MARCHF10: variants seen among roughly 807,000 people sequenced by gnomAD.
MARCHF10 encodes the protein probable E3 ubiquitin-protein ligase MARCHF10.
In MARCHF10, 64 loss-of-function variants were observed where a neutral mutation model predicts 76.2. The observed-to-expected ratio is 0.84, with a 90% confidence interval of 0.69 to 1.03. MARCHF10 has a LOEUF of 1.03. Ranked by LOEUF, MARCHF10 falls within the 50% of genes least tolerant of loss-of-function variation. The pLI is 0.00. For missense variants in MARCHF10, 875 were observed against 958.0 expected, an observed-to-expected ratio of 0.91 and a Z score of 1.14; for synonymous variants, 340 against 357.5, an observed-to-expected ratio of 0.95 and a Z score of 0.55.
At chr17:62,717,273 C>T (rs1341146192) in intron 8 of MARCHF10, among the ~76,000 whole-genome samples, 1 of 152,250 alleles carries the variant, frequency 6.6e-6, no homozygotes, top group Non-Finnish European at 1.5e-5. Flanking sequence ...CTCCAGACAG[C>T]AGCCGCCCAT....
chr17:62,777,530 C>A (rs2092573692), intron 3 of MARCHF10, among the ~76,000 whole-genome samples: 1 of 151,840 alleles, frequency 6.6e-6, no homozygotes, highest in East Asian at 1.9e-4. Flanking sequence ...TGAGACCAGG[C>A]AACATGGTGA....
chr17:62,770,139 G>A (rs1013009811), intron 3 of MARCHF10, among the ~76,000 whole-genome samples: 7 of 152,126 alleles, frequency 4.6e-5, no homozygotes, highest in African/African-American at 7.2e-5. Flanking sequence ...TTGTTCCTGC[G>A]TTAATTCCCT....
intron 9 of MARCHF10, among the ~76,000 whole-genome samples, chr17:62,709,907 G>A (rs918694798): frequency 1.6e-4 from 24 of 152,178 alleles, no homozygotes; most frequent in South Asian, 2.1e-4. Context: ...GTTACTGCTC[G>A]GTGGTCTAAG....
At chr17:62,735,739 C>T in intron 6 of MARCHF10, 192 bp downstream of exon 6, 1 of 582,728 alleles carries the variant, frequency 1.7e-6, no homozygotes, top group Non-Finnish European at 2.9e-6. Flanking sequence ...TCAGGAACAC[C>T]AGACTTTTCT....
At chr17:62,780,090 C>T (rs541049728) in intron 3 of MARCHF10, among the ~76,000 whole-genome samples, 16 of 148,982 alleles carry the variant, frequency 1.1e-4, no homozygotes, top group African/African-American at 3.6e-4. Context: ...GAGCGAGACT[C>T]GGTCTAAAAA....
intron 7 of MARCHF10, 22 bp from the exon 8 acceptor site, chr17:62,722,619 T>C: frequency 1.9e-6 from 3 of 1,588,100 alleles, no homozygotes; most frequent in Non-Finnish European, 2.6e-6. Context: ...TAAAGAATTA[T>C]ATGTACATAT....
chr17:62,799,281 C>T (rs2093035500), intron 2 of MARCHF10, among the ~76,000 whole-genome samples: 1 of 152,190 alleles, frequency 6.6e-6, no homozygotes, highest in South Asian at 2.1e-4. Context: ...CGGGCCAAGT[C>T]ACCAGAATCT....
intron 7 of MARCHF10, among the ~76,000 whole-genome samples, chr17:62,723,632 G>A (rs929366073): frequency 7.2e-6 from 1 of 139,758 alleles, no homozygotes; most frequent in African/African-American, 2.8e-5. Flanking sequence ...TCTTCCGATC[G>A]AATCCTACTG....
In MARCHF10 at chr17:62,736,005, G is replaced by A; in HGVS notation, c.1863C>T (p.Ala621=). Residue 621 remains alanine (A), a synonymous_variant, in exon 6 of 11, where the codon GCC becomes GCT. Transcript: ENST00000311269. ...TTTCCTTTTCATCTGTGAAACCAGA[G>A]GCTGCCATCCTGCTCCCATTATCAT... ...NQNDNGSRMA[A]SGFTDEKETS... 2 of 1,614,008 alleles carry A rather than the reference G, an allele frequency of 1.2e-6. No homozygotes were observed. The highest frequency in any genetic ancestry group is 1.7e-6 in the Non-Finnish European group (2 of 1,179,992).
chr17:62,753,423 G>T (rs2091954005), intron 4 of MARCHF10, among the ~76,000 whole-genome samples: 1 of 152,072 alleles, frequency 6.6e-6, no homozygotes, highest in Admixed American at 6.5e-5. Flanking sequence ...CACAACTTCT[G>T]AAACTCAAAT....
intron 5 of MARCHF10, among the ~76,000 whole-genome samples, chr17:62,742,959 C>A (rs562544402): frequency 6.6e-6 from 1 of 152,128 alleles, no homozygotes; most frequent in South Asian, 2.1e-4. Context: ...TAATATTCAA[C>A]AGTTCATTAA....
chr17:62,775,123 CT>C (rs894712489), intron 3 of MARCHF10, among the ~76,000 whole-genome samples: 15 of 107,260 alleles, frequency 1.4e-4, no homozygotes, highest in East Asian at 9.1e-4. Context: ...AGGTCTCCCC[CT>C]GGCCTTCCTT....
chr17:62,706,445 T>C (rs571636678), intron 9 of MARCHF10: 2 of 152,368 alleles, frequency 1.3e-5, no homozygotes, highest in South Asian at 2.1e-4. Flanking sequence ...CATCAACTCT[T>C]GTTCCATCAG....
intron 8 of MARCHF10, among the ~76,000 whole-genome samples, chr17:62,715,108 T>G (rs1404045839): frequency 6.6e-6 from 1 of 152,194 alleles, no homozygotes; most frequent in Non-Finnish European, 1.5e-5. Context: ...GGCCCAAGAA[T>G]GTGTACTTCT....
At chr17:62,806,052 A>AT (rs1384574898) in intron 1 of MARCHF10, among the ~76,000 whole-genome samples, 1 of 152,190 alleles carries the variant, frequency 6.6e-6, no homozygotes, top group African/African-American at 2.4e-5. Context: ...TTTTATTTAA[A>AT]TACATCAAGT....
At position 62,712,301 on chromosome 17, in the gene MARCHF10, G is replaced by A. The variant is rs2089974664; in HGVS notation, c.2215-957C>T. Among the ~76,000 whole-genome samples the A allele has an allele frequency of 2.0e-5, 3 of 152,236 alleles. No homozygotes were observed. Among genetic ancestry groups the A allele is most frequent in the Admixed American group, 1.3e-4 (2 of 15,284 alleles). ...CCTTCCGTCACCCTTGGGAAAGCTT[G>A]CAACTGTGACTCTGTCGGCCCAGGA... On this transcript the variant is annotated intron_variant, in intron 8 of 10. Transcript: ENST00000311269. The surrounding 1 kb of genome is among the most constrained non-coding windows in gnomAD (Gnocchi z 4.2).
At chr17:62,786,873 A>G (rs1462135022) in intron 3 of MARCHF10, among the ~76,000 whole-genome samples, 1 of 152,218 alleles carries the variant, frequency 6.6e-6, no homozygotes, top group Non-Finnish European at 1.5e-5. Flanking sequence ...TTCCCTGCAG[A>G]GGCACCCAGA....
chr17:62,778,330 A>G (rs1187305948), intron 3 of MARCHF10, among the ~76,000 whole-genome samples: 2 of 152,152 alleles, frequency 1.3e-5, no homozygotes, highest in Non-Finnish European at 2.9e-5. Context: ...AGACAATGGG[A>G]AACCACTGAA....
chr17:62,799,190 T>G (rs2093033720), intron 2 of MARCHF10, among the ~76,000 whole-genome samples: 1 of 152,158 alleles, frequency 6.6e-6, no homozygotes, highest in South Asian at 2.1e-4. Context: ...TCACTCCGCC[T>G]CTCCATCTAT....
Sources: allele counts gnomAD v4.1 joint callset (sites outside exome capture counted in the v4.1 genomes callset), GRCh38; gene constraint gnomAD v4.1.1; non-coding constraint Gnocchi (gnomAD v3.1); transcripts MANE v1.5; gene names NCBI Gene and HGNC (gene_info 2026-07-23, HGNC 2026-07-21).